UBR4: variants seen among roughly 807,000 people sequenced by gnomAD.
UBR4 encodes the protein ubiquitin protein ligase E3 component n-recognin 4.
Under a neutral mutation model 575.6 loss-of-function variants are expected in UBR4, and 124 were observed. That is an observed-to-expected ratio of 0.22 (90% confidence interval 0.19 to 0.25). UBR4 has a LOEUF of 0.25. Among genes scored for constraint, UBR4 ranks in the 10% least tolerant of loss-of-function variants. The probability of loss-of-function intolerance (pLI) is 1.00; values close to 1 mark genes in which losing one functional copy is unlikely to be tolerated. For missense variants in UBR4, 4,818 were observed against 6,478.8 expected (o/e 0.74, Z 8.80); for synonymous variants, 2,455 against 2,473.7 (o/e 0.99, Z 0.22).
Position 19,099,652 on chromosome 1 carries a change from C to G in UBR4, c.13247G>C (p.Ser4416Thr). The G allele has an allele frequency of 6.2e-7, 1 of 1,614,112 alleles. No homozygotes were observed. The highest frequency in any genetic ancestry group is 1.1e-5 in the South Asian group (1 of 91,072). Residue 4416 changes from serine (S) to threonine (T), a missense_variant, in exon 90 of 106, where the codon AGT becomes ACT. Transcript: ENST00000375254. ...AACTTCAGCCACAGGAAGGTCCAAA[C>G]TAATGATTTTATTGTTCACTAGAAG... ...MELLVNNKII[S>T]LDLPVAEVYK...
Position 19,198,875 on chromosome 1 carries a change from A to G in UBR4, c.432T>C (p.Asp144=). 6.2e-7 allele frequency: 1 copy of G among 1,614,208 alleles called. No individual in the cohort carries two copies. Among genetic ancestry groups the G allele is most frequent in the Non-Finnish European group, 8.5e-7 (1 of 1,180,044 alleles). ...KGLCTGCSRL[D]RTEIITFTAM... ...CTGTAAATGTGATAATTTCAGTTCT[A>G]TCTAGTCGGCTACAGCCAGTGCACA... is the stretch of plus-strand genomic sequence containing the variant. The change falls in exon 4 of 106, where the codon GAT becomes GAC. Residue 144 remains aspartate, a synonymous_variant. Transcript: ENST00000375254.
rs1241300843 is a variant in UBR4, at chr1:19,086,764, C to G, written c.14602G>C (p.Glu4868Gln). 1 of 1,614,218 alleles carries G rather than the reference C, an allele frequency of 6.2e-7. No individual in the cohort carries two copies. Among genetic ancestry groups the G allele is most frequent in the Admixed American group, 1.7e-5 (1 of 60,030 alleles). The change falls in exon 100 of 106, where the codon GAG becomes CAG. Residue 4868 changes from glutamate to glutamine, a missense_variant. This residue lies in a region of UBR4 where 196 missense variants were observed against 386.8 expected (regional missense o/e 0.51). Coordinates refer to ENST00000375254, the MANE Select transcript of UBR4 (RefSeq NM_020765.3). ...FTKRVALEEM[E>Q]NKPRKQQGYS... ...CCCTGCTGTTTCCGGGGCTTATTCT[C>G]CATCTCCTCCAAGGCTACCCGCTTC...
chr1:19,087,960 G>C (rs746727342), intron 98 of UBR4, 31 bp from the exon 99 acceptor site: 7 of 1,551,162 alleles, frequency 4.5e-6, no homozygotes, highest in Non-Finnish European at 8.8e-7. Context: ...CATGTCAAGG[G>C]GATTTCCACA....
chr1:19,101,049 C>T (rs1349935406), intron 88 of UBR4, among the ~76,000 whole-genome samples: 1 of 152,042 alleles, frequency 6.6e-6, no homozygotes, highest in Non-Finnish European at 1.5e-5. Context: ...TACTAGTGTT[C>T]ATCTTTCCTC....
At chr1:19,082,404 T>G (rs1031237465) in intron 102 of UBR4, among the ~76,000 whole-genome samples, 3 of 152,252 alleles carry the variant, frequency 2.0e-5, no homozygotes, top group Non-Finnish European at 4.4e-5. Flanking sequence ...AACTGTGTTC[T>G]GAAGCCAGGT....
At chr1:19,106,776 A>G in intron 82 of UBR4, 50 bp from the exon 83 acceptor site, 1 of 1,601,592 alleles carries the variant, frequency 6.2e-7, no homozygotes, top group Non-Finnish European at 8.5e-7. Context: ...TGAGAGTGAC[A>G]GAAGGCAGGG....
chr1:19,129,484 T>C (rs1424034837), intron 60 of UBR4, among the ~76,000 whole-genome samples: 3 of 152,244 alleles, frequency 2.0e-5, no homozygotes, highest in Non-Finnish European at 4.4e-5. Flanking sequence ...TTCTGCTATA[T>C]ACAAATTCTA....
chr1:19,084,410 A>C (rs2076811999), intron 102 of UBR4, 94 bp downstream of exon 102: 2 of 1,337,622 alleles, frequency 1.5e-6, no homozygotes, highest in Non-Finnish European at 2.1e-6. Context: ...CTCCGGAACT[A>C]GCATGAGAGG....
chr1:19,187,855 G>A (rs2091694222), intron 11 of UBR4, among the ~76,000 whole-genome samples: 2 of 151,902 alleles, frequency 1.3e-5, no homozygotes, highest in Admixed American at 6.6e-5. Context: ...CTTATGCCCA[G>A]CAATTTTAGA....
At chr1:19,082,467 G>A (rs1400797260) in intron 102 of UBR4, among the ~76,000 whole-genome samples, 2 of 152,192 alleles carry the variant, frequency 1.3e-5, no homozygotes, top group African/African-American at 4.8e-5. Context: ...TTTGACAAAA[G>A]GTCACGGAAT....
At chr1:19,149,426 G>A (rs1489647838) in intron 49 of UBR4, among the ~76,000 whole-genome samples, 2 of 152,114 alleles carry the variant, frequency 1.3e-5, no homozygotes, top group East Asian at 1.9e-4. Context: ...TGGATAGAAC[G>A]AGCTCTCTAG....
chr1:19,172,483 C>G (rs2089714406), intron 25 of UBR4, among the ~76,000 whole-genome samples: 1 of 152,156 alleles, frequency 6.6e-6, no homozygotes, highest in Non-Finnish European at 1.5e-5. Context: ...CACCATTGCA[C>G]TCCAGCCTGG....
At chr1:19,182,314 A>G (rs1336176286) in intron 17 of UBR4, among the ~76,000 whole-genome samples, 1 of 151,614 alleles carries the variant, frequency 6.6e-6, no homozygotes, top group East Asian at 1.9e-4. Flanking sequence ...GGGGTATATA[A>G]GTAGAATTGC....
intron 19 of UBR4, among the ~76,000 whole-genome samples, chr1:19,176,983 A>C (rs1376638208): frequency 6.6e-6 from 1 of 152,186 alleles, no homozygotes; most frequent in East Asian, 1.9e-4. Flanking sequence ...TTGGAATGCA[A>C]TTTTTGGTGC....
chr1:19,079,083 A>G (rs1252864715), intron 103 of UBR4: 2 of 152,222 alleles, frequency 1.3e-5, no homozygotes, highest in South Asian at 2.1e-4. Flanking sequence ...CTAAAGGGAC[A>G]TATATTAAAA....
chr1:19,151,240 G>A (rs1384780506), intron 48 of UBR4: 1 of 330,662 alleles, frequency 3.0e-6, no homozygotes, highest in East Asian at 7.4e-5. Flanking sequence ...TATTCTGAGA[G>A]TTTAGTTTTC....
At chr1:19,111,476 C>G (rs1327580860) in intron 78 of UBR4, among the ~76,000 whole-genome samples, 1 of 152,248 alleles carries the variant, frequency 6.6e-6, no homozygotes, top group Non-Finnish European at 1.5e-5. Context: ...CTGCTCTCAA[C>G]TACCCACTTG....
chr1:19,092,607 T>A (rs1408800589), intron 97 of UBR4: 4 of 485,358 alleles, frequency 8.2e-6, no homozygotes, highest in Non-Finnish European at 1.4e-5. Flanking sequence ...AGGTGACCCA[T>A]TAGACAATGA....
At chr1:19,183,766 C>T in intron 17 of UBR4, 45 bp downstream of exon 17, 1 of 1,572,054 alleles carries the variant, frequency 6.4e-7, no homozygotes, top group Non-Finnish European at 8.8e-7. Context: ...CCTATGGAAG[C>T]TGGTGTCATG....
Sources: allele counts gnomAD v4.1 joint callset (sites outside exome capture counted in the v4.1 genomes callset), GRCh38; gene constraint gnomAD v4.1.1; regional missense constraint gnomAD v4.1.1; transcripts MANE v1.5; gene names NCBI Gene and HGNC (gene_info 2026-07-23, HGNC 2026-07-21).